The following CA8 variants were observed in gnomAD, a reference collection of about 807,000 sequenced individuals.
The protein encoded by CA8 is carbonic anhydrase-related protein.
In CA8, 22 loss-of-function variants were observed where a neutral mutation model predicts 41.4. That is an observed-to-expected ratio of 0.53 (90% CI 0.38 to 0.76). The LOEUF (loss-of-function observed/expected upper bound fraction) is 0.76. Among genes scored for constraint, CA8 ranks in the 30% least tolerant of loss-of-function variants. The probability of loss-of-function intolerance (pLI) is 0.00; values close to 1 mark genes in which losing one functional copy is unlikely to be tolerated. For missense variants in CA8, 270 were observed against 352.8 expected (o/e 0.77, Z 1.88); for synonymous variants, 121 against 130.6 (o/e 0.93, Z 0.50).
chr8:60,242,924 G>C (rs1374962056), intron 3 of CA8, among the ~76,000 whole-genome samples: 2 of 152,204 alleles, frequency 1.3e-5, no homozygotes, highest in African/African-American at 2.4e-5. Flanking sequence ...TTATGCCGCT[G>C]AACTCATCTA....
At chr8:60,190,059 T>C (rs1026864952) in intron 8 of CA8, 74 bp from the exon 9 acceptor site, 1 of 151,944 alleles carries the variant, frequency 6.6e-6, no homozygotes, top group African/African-American at 2.4e-5. Context: ...GAAAAGTCTT[T>C]TTACAGTACA....
At chr8:60,195,693 G>C (rs1442734699) in intron 8 of CA8, among the ~76,000 whole-genome samples, 1 of 152,166 alleles carries the variant, frequency 6.6e-6, no homozygotes, top group Non-Finnish European at 1.5e-5. Flanking sequence ...ACTAGGCTGT[G>C]AGCTATGTCA....
chr8:60,229,643 C>T (rs1807572317), intron 4 of CA8, among the ~76,000 whole-genome samples: 1 of 152,134 alleles, frequency 6.6e-6, no homozygotes, highest in South Asian at 2.1e-4. Flanking sequence ...GAGGACACTG[C>T]TGGTACGTGC....
At chr8:60,250,636 G>C (rs1318557612) in intron 3 of CA8, among the ~76,000 whole-genome samples, 1 of 152,106 alleles carries the variant, frequency 6.6e-6, no homozygotes, top group Non-Finnish European at 1.5e-5. Flanking sequence ...AAAGTAATTG[G>C]TTACATTTCA....
intron 5 of CA8, among the ~76,000 whole-genome samples, chr8:60,226,425 G>C (rs1474123730): frequency 6.6e-6 from 1 of 152,204 alleles, no homozygotes; most frequent in Non-Finnish European, 1.5e-5. Flanking sequence ...AGCTGATGCT[G>C]ACAATGTGAC....
At chr8:60,224,098 T>C (rs1342811849) in intron 6 of CA8, among the ~76,000 whole-genome samples, 1 of 152,242 alleles carries the variant, frequency 6.6e-6, no homozygotes, top group Non-Finnish European at 1.5e-5. Flanking sequence ...GTTTGTTTGT[T>C]TGAGACAGAG....
chr8:60,190,232 T>C (rs1005602611), intron 8 of CA8, among the ~76,000 whole-genome samples: 1 of 151,608 alleles, frequency 6.6e-6, no homozygotes, highest in East Asian at 1.9e-4. Context: ...AATACTTTCA[T>C]CCAAAATAAA....
intron 3 of CA8, among the ~76,000 whole-genome samples, chr8:60,258,264 A>C (rs1803615324): frequency 6.6e-6 from 1 of 152,230 alleles, no homozygotes; most frequent in South Asian, 2.1e-4. Flanking sequence ...ATATTGTTAT[A>C]ATTGTTCTGT....
chr8:60,200,854 G>C (rs1486785447), intron 8 of CA8, among the ~76,000 whole-genome samples: 1 of 152,138 alleles, frequency 6.6e-6, no homozygotes, highest in African/African-American at 2.4e-5. Flanking sequence ...GCAAGTTTGA[G>C]TGCTATAGGT....
At chr8:60,247,163 G>A (rs769158331) in intron 3 of CA8, among the ~76,000 whole-genome samples, 5 of 152,108 alleles carry the variant, frequency 3.3e-5, no homozygotes, top group African/African-American at 7.2e-5. Context: ...GATTACAGGC[G>A]TGAGCCACCA....
At chr8:60,254,414 C>A (rs1808552994) in intron 3 of CA8, among the ~76,000 whole-genome samples, 1 of 152,088 alleles carries the variant, frequency 6.6e-6, no homozygotes. Context: ...TGTATGTAGA[C>A]CCCTTTAATA....
Position 60,279,792 on chromosome 8 carries a change from G to C in CA8, c.189C>G (p.Pro63=). The part of the protein sequence containing the change: ...NLNSREARYD[P]SLLDVRLSPN... ...GGGAGAGGCGGACATCCAACAGCGAGGGGTCATACCTAGCCTCTCTTGAGT... is the reference window on the plus strand; with the variant it reads ...GGGAGAGGCGGACATCCAACAGCGACGGGTCATACCTAGCCTCTCTTGAGT... Residue 63 remains proline, a synonymous_variant, in exon 2 of 9, where the codon CCC becomes CCG. Coordinates refer to ENST00000317995, the MANE Select transcript of CA8 (RefSeq NM_004056.6). 6.2e-7 allele frequency: 1 copy of C among 1,614,138 alleles called. No individual in the cohort carries two copies. The highest frequency in any genetic ancestry group is 8.5e-7 in the Non-Finnish European group (1 of 1,180,022).
rs1029322302 is a variant in CA8, at chr8:60,187,961, T to C, written c.*2060A>G. 6 of 152,176 alleles carry C rather than the reference T, an allele frequency of 3.9e-5. No homozygotes were observed. Among genetic ancestry groups the C allele is most frequent in the Non-Finnish European group, 1.5e-5 (1 of 68,026 alleles). 9.4% of individuals were successfully genotyped at this position (152,176 alleles called of 1,614,324 possible). A position where few individuals can be genotyped will look rare whatever the true frequency, so the allele number is the denominator to read the frequency against. On this transcript the variant is annotated 3_prime_UTR_variant, in exon 9 of 9. Transcript: ENST00000317995. The stretch of plus-strand genomic sequence containing the variant: ...GTTTACTGACAAACTACCTTTCAAA[T>C]TCATTCCTACAAAAGCGTATTATAA...
chr8:60,193,226 C>T (rs1032872719), intron 8 of CA8, among the ~76,000 whole-genome samples: 3 of 152,098 alleles, frequency 2.0e-5, no homozygotes, highest in African/African-American at 4.8e-5. Context: ...CAAATACCTA[C>T]CCATTGCCTA....
intron 8 of CA8, among the ~76,000 whole-genome samples, chr8:60,206,010 A>G (rs1188437464): frequency 1.3e-5 from 2 of 152,230 alleles, no homozygotes; most frequent in East Asian, 1.9e-4. Context: ...AATAAAAAGT[A>G]CACACACATA....
At chr8:60,199,195 G>A (rs569444284) in intron 8 of CA8, among the ~76,000 whole-genome samples, 14 of 152,266 alleles carry the variant, frequency 9.2e-5, no homozygotes, top group African/African-American at 3.4e-4. Flanking sequence ...ACACTTTACA[G>A]GTAGAATATC....
intron 3 of CA8, among the ~76,000 whole-genome samples, chr8:60,233,472 C>G (rs970106816): frequency 1.3e-5 from 2 of 152,176 alleles, no homozygotes; most frequent in Non-Finnish European, 2.9e-5. Flanking sequence ...AAACACTGTA[C>G]CCATGGCCCA....
At chr8:60,233,227 C>T (rs1256610184) in intron 3 of CA8, among the ~76,000 whole-genome samples, 1 of 152,220 alleles carries the variant, frequency 6.6e-6, no homozygotes. Flanking sequence ...TTACTTACCG[C>T]CTTACAACGT....
intron 7 of CA8, 142 bp from the exon 8 acceptor site, chr8:60,209,061 A>T: frequency 1.1e-6 from 1 of 945,262 alleles, no homozygotes; most frequent in South Asian, 1.6e-5. Flanking sequence ...CAAAAAGAAA[A>T]AAAACAGACT....
Sources: gnomAD v4.1 joint callset for allele counts (sites outside exome capture counted in the v4.1 genomes callset) on GRCh38, gnomAD v4.1.1 for gene constraint, MANE v1.5 for transcripts, NCBI Gene and HGNC (gene_info 2026-07-23, HGNC 2026-07-21) for gene names.